The following SEL1L3 variants were observed in gnomAD, a reference collection of about 807,000 sequenced individuals.
SEL1L3 encodes SEL1L family member 3.
SEL1L3 carries 76 observed loss-of-function variants against 142.8 expected under a neutral mutation model. The observed-to-expected ratio is 0.53, with a 90% CI of 0.44 to 0.64. The LOEUF (loss-of-function observed/expected upper bound fraction) is 0.64. Ranked by LOEUF, SEL1L3 falls within the 30% of genes least tolerant of loss-of-function variation. SEL1L3 has a pLI of 0.00. For synonymous variants in SEL1L3, 504 were observed against 519.6 expected (o/e 0.97, Z 0.41); for missense variants, 1,262 against 1,381.7 (o/e 0.91, Z 1.37).
rs1577573299 is a variant in SEL1L3, at chr4:25,767,543, T to C, written c.2827A>G (p.Ile943Val). The change falls in exon 19 of 24, where the codon ATC (isoleucine) becomes GTC (valine). Residue 943 changes from isoleucine (I) to valine (V), a missense_variant. Around this residue, in one of 3 missense-constraint regions of SEL1L3, gnomAD observed 435 missense variants for 559.2 expected, o/e 0.78. Transcript: ENST00000399878. Reference protein sequence around the residue: ...WRYYNFSVFQIDAPSFAYLKM... With the variant: ...WRYYNFSVFQVDAPSFAYLKM... ...TACATACCAAAGGAAGGAGCATCGA[T>C]TTGAAAAACAGAGAAATTATAGTAT... is the stretch of plus-strand genomic sequence containing the variant. The C allele has an allele frequency of 2.5e-6, 4 of 1,591,544 alleles. No individual in the cohort carries two copies. The highest frequency in any genetic ancestry group is 4.5e-5 in the East Asian group (2 of 44,612).
At chr4:25,862,549 C>T in intron 1 of SEL1L3, 126 bp downstream of exon 1, 1 of 455,226 alleles carries the variant, frequency 2.2e-6, no homozygotes, top group Non-Finnish European at 3.4e-6. Flanking sequence ...CGGGGCGCAG[C>T]GACGAGGAAG....
chr4:25,819,879 C>A lies in SEL1L3; in HGVS notation c.1352G>T (p.Cys451Phe). 1 of 1,613,342 alleles carries A rather than the reference C, an allele frequency of 6.2e-7. No homozygotes were observed. Among genetic ancestry groups the A allele is most frequent in the South Asian group, 1.1e-5 (1 of 90,906 alleles). Residue 451 changes from cysteine (C) to phenylalanine (F), a missense_variant, in exon 8 of 24, where the codon TGT (cysteine) becomes TTT (phenylalanine). Coordinates refer to ENST00000399878, the MANE Select transcript of SEL1L3 (RefSeq NM_015187.5). ...AEQIKLYYERCAEVQEIVSVY... is the reference protein window; with the variant it reads ...AEQIKLYYERFAEVQEIVSVY... ...AGATACTATTTCTTGAACCTCAGCA[C>A]ACCTTTCATAATATAACTTGATTTG...
the SEL1L3 span, among the ~76,000 whole-genome samples, chr4:25,722,624 C>CTTTTTT: frequency 4.8e-5 from 5 of 103,656 alleles, no homozygotes; most frequent in Non-Finnish European, 8.6e-5. Context: ...CCAAAGGAGG[C>CTTTTTT]TTTTTTTTTT....
At chr4:25,804,419 G>A in intron 10 of SEL1L3, 122 bp downstream of exon 10, 1 of 720,968 alleles carries the variant, frequency 1.4e-6, no homozygotes, top group Non-Finnish European at 2.4e-6. Flanking sequence ...TATCTTGAGT[G>A]TAAAGATTTT....
chr4:25,732,839 G>A, the SEL1L3 span, among the ~76,000 whole-genome samples: 3 of 152,146 alleles, frequency 2.0e-5, no homozygotes, highest in Non-Finnish European at 2.9e-5. Context: ...CACCTCCCAG[G>A]TTCAAGAAAT....
chr4:25,798,546 G>T (rs1021718993), intron 11 of SEL1L3, among the ~76,000 whole-genome samples: 2 of 152,198 alleles, frequency 1.3e-5, no homozygotes, highest in Admixed American at 6.5e-5. Flanking sequence ...AGACCAGGAC[G>T]GCTGGGCGAG....
At chr4:25,839,144 C>T (rs1232760237) in intron 2 of SEL1L3, among the ~76,000 whole-genome samples, 1 of 152,204 alleles carries the variant, frequency 6.6e-6, no homozygotes, top group Non-Finnish European at 1.5e-5. Context: ...AAACACAGGA[C>T]ATTCAAAAGC....
the SEL1L3 span, chr4:25,720,166 A>G: frequency 6.6e-6 from 1 of 152,188 alleles, no homozygotes; most frequent in Non-Finnish European, 1.5e-5. Flanking sequence ...GGTAACTAAT[A>G]TAAGGGCTGT....
At chr4:25,828,539 C>G (rs946482333) in intron 6 of SEL1L3, among the ~76,000 whole-genome samples, 1 of 151,754 alleles carries the variant, frequency 6.6e-6, no homozygotes, top group Non-Finnish European at 1.5e-5. Context: ...TGCGCACCAC[C>G]ATGACCAGCT....
At chr4:25,757,358 C>T (rs945802633) in intron 23 of SEL1L3, among the ~76,000 whole-genome samples, 176 bp downstream of exon 23, 2 of 149,186 alleles carry the variant, frequency 1.3e-5, no homozygotes, top group Non-Finnish European at 3.0e-5. Flanking sequence ...GAATTTCATA[C>T]ACCTCTAGAA....
chr4:25,723,082 T>C, the SEL1L3 span, among the ~76,000 whole-genome samples: 1 of 152,122 alleles, frequency 6.6e-6, no homozygotes, highest in East Asian at 1.9e-4. Flanking sequence ...AGATGCCAGG[T>C]GCTAATAATG....
At chr4:25,838,123 C>G (rs1715950342) in intron 2 of SEL1L3, among the ~76,000 whole-genome samples, 2 of 152,218 alleles carry the variant, frequency 1.3e-5, no homozygotes, top group South Asian at 4.1e-4. Context: ...ACCTGTCTCC[C>G]TTCCTCCTAG....
intron 17 of SEL1L3, among the ~76,000 whole-genome samples, chr4:25,768,131 A>AAGCCTTCTTGC (rs1718887349): frequency 6.6e-6 from 1 of 152,154 alleles, no homozygotes; most frequent in African/African-American, 2.4e-5. Flanking sequence ...TCAGTTCTTG[A>AAGCCTTCTTGC]ATCCTTCTTG....
At chr4:25,767,325 C>G (rs1055667058) in intron 19 of SEL1L3, among the ~76,000 whole-genome samples, 200 bp downstream of exon 19, 1 of 152,106 alleles carries the variant, frequency 6.6e-6, no homozygotes, top group Admixed American at 6.6e-5. Context: ...GGTCCAAGCA[C>G]TCCACGGGAC....
chr4:25,790,577 G>A lies in SEL1L3; in HGVS notation c.1957-3C>T. 6.4e-7 allele frequency: 1 copy of A among 1,561,826 alleles called. No individual in the cohort carries two copies. The highest frequency in any genetic ancestry group is 1.1e-5 in the South Asian group (1 of 89,328). On this transcript the variant is annotated splice_region_variant and splice_polypyrimidine_tract_variant and intron_variant, in intron 11 of 23. Transcript: ENST00000399878. ...AGTCTAATTGTTTCAACATATGCCT[G>A]AGAAGGAAGGAGGGAAAGAAGGAAG...
In SEL1L3 at chr4:25,788,588, G is replaced by GTA. The variant is rs1712040265; in HGVS notation, c.2077-225_2077-224insTA. 8.7e-5 allele frequency among the ~76,000 whole-genome samples: 13 copies of GTA among 150,276 alleles called. No homozygotes were observed. Among genetic ancestry groups the GTA allele is most frequent in the Middle Eastern group, 3.4e-3 (1 of 292 alleles). ...ATGGTTCGTGTGTGTGTGTGTGTGT[G>GTA]TGTGTGTGTGTGTGTGTGTGTGTGT... is the stretch of plus-strand genomic sequence containing the variant. On this transcript the variant is annotated intron_variant, in intron 12 of 23. Coordinates refer to ENST00000399878, the MANE Select transcript of SEL1L3 (RefSeq NM_015187.5). This position sits in a 1 kb window ranked among gnomAD's most constrained non-coding sequence, Gnocchi z 5.3.
intron 13 of SEL1L3, among the ~76,000 whole-genome samples, chr4:25,787,117 T>C (rs4697112): frequency 0.63 from 95,812 of 152,092 alleles, 30,397 homozygotes; most frequent in Middle Eastern, 0.7. Flanking sequence ...TGAAGCCAGA[T>C]TTCCTAGATC....
In SEL1L3 at chr4:25,788,569, CGTGTGTGTGTGT is replaced by C. The variant is rs58435041; in HGVS notation, c.2077-217_2077-206del. On this transcript the variant is annotated intron_variant, in intron 12 of 23. Transcript: ENST00000399878. This position sits in a 1 kb window ranked among gnomAD's most constrained non-coding sequence, Gnocchi z 5.3. Reference sequence around the variant, plus strand: ...CCCTTAATGCAAGCCAGAAATGGTTCGTGTGTGTGTGTGTGTGTGTGTGTGTGTGTGTGTGTG... The same window carrying C: ...CCCTTAATGCAAGCCAGAAATGGTTCGTGTGTGTGTGTGTGTGTGTGTGTG... 6.3e-3 allele frequency among the ~76,000 whole-genome samples: 878 copies of C among 140,040 alleles called. 13 individuals carry two copies. Among genetic ancestry groups the C allele is most frequent in the African/African-American group, 0.021 (800 of 37,778 alleles). The allele number at this position is 140,040 out of a possible 152,430, so 91.9% of individuals were successfully genotyped here.
chr4:25,759,703 A>G (rs879608217), intron 20 of SEL1L3: 5 of 152,382 alleles, frequency 3.3e-5, no homozygotes, highest in Non-Finnish European at 7.3e-5. Flanking sequence ...GTACGGATCC[A>G]ATAAAATAAA....
Sources: allele counts gnomAD v4.1 joint callset (sites outside exome capture counted in the v4.1 genomes callset), GRCh38; gene constraint gnomAD v4.1.1; regional missense constraint gnomAD v4.1.1; non-coding constraint Gnocchi (gnomAD v3.1); transcripts MANE v1.5; gene names NCBI Gene and HGNC (gene_info 2026-07-23, HGNC 2026-07-21).